The following CA12 variants were observed in gnomAD, a reference collection of about 807,000 sequenced individuals.
CA12 encodes carbonic anhydrase 12.
CA12 carries 36 observed loss-of-function variants against 46.8 expected under a neutral mutation model. The observed-to-expected ratio is 0.77, with a 90% CI of 0.59 to 1.02. The LOEUF (loss-of-function observed/expected upper bound fraction) is 1.02. Ranked by LOEUF, CA12 falls within the 50% of genes least tolerant of loss-of-function variation. CA12 has a pLI of 0.00. For missense variants in CA12, 436 were observed against 451.4 expected, an observed-to-expected ratio of 0.97 and a Z score of 0.31; for synonymous variants, 202 against 187.0, an observed-to-expected ratio of 1.08 and a Z score of -0.65.
intron 2 of CA12, among the ~76,000 whole-genome samples, chr15:63,369,315 T>C (rs567651440): frequency 3.3e-4 from 50 of 152,336 alleles, no homozygotes; most frequent in Non-Finnish European, 6.8e-4. Context: ...CTGTAGAGTT[T>C]ACAAGGCCTT....
At position 63,346,715 on chromosome 15, in the gene CA12, C is replaced by T. The variant is rs763861000; in HGVS notation, c.107-6G>A. 9.3e-6 allele frequency: 15 copies of T among 1,614,088 alleles called. No individual in the cohort carries two copies. Among genetic ancestry groups the T allele is most frequent in the Non-Finnish European group, 1.3e-5 (15 of 1,179,928 alleles). ...GCTATTCTCCCCATCAGGACCTGGA[C>T]ACAGAGATCCATGCTCAAGATTTAG... On this transcript the variant is annotated splice_polypyrimidine_tract_variant and splice_region_variant and intron_variant, in intron 2 of 10. Transcript: ENST00000178638.
intron 2 of CA12, among the ~76,000 whole-genome samples, chr15:63,353,245 C>T (rs1347022236): frequency 6.6e-6 from 1 of 152,092 alleles, no homozygotes; most frequent in Non-Finnish European, 1.5e-5. Flanking sequence ...GCAGATGATG[C>T]AGGCAGGCTT....
intron 8 of CA12, among the ~76,000 whole-genome samples, chr15:63,337,238 C>T (rs1186973146): frequency 6.6e-6 from 1 of 152,206 alleles, no homozygotes; most frequent in Non-Finnish European, 1.5e-5. Flanking sequence ...GGCAGTTCTT[C>T]ATGAAAAGAC....
chr15:63,354,401 T>C (rs539533877), intron 2 of CA12, among the ~76,000 whole-genome samples: 1 of 152,172 alleles, frequency 6.6e-6, no homozygotes, highest in Non-Finnish European at 1.5e-5. Context: ...ATACTTTGCA[T>C]CAAACTTTTG....
Position 63,345,738 on chromosome 15 carries a change from C to G in CA12, c.287-119G>C, listed in dbSNP as rs563882606. 3 of 1,324,716 alleles carry G rather than the reference C, an allele frequency of 2.3e-6. No individual in the cohort carries two copies. The highest frequency in any genetic ancestry group is 2.5e-5 in the South Asian group (2 of 79,222). 82.1% of individuals were successfully genotyped at this position (1,324,716 alleles called of 1,614,324 possible). On this transcript the variant is annotated intron_variant, in intron 3 of 10. Transcript: ENST00000178638. This position sits in a 1 kb window ranked among gnomAD's most constrained non-coding sequence, Gnocchi z 4.3. ...CCACCCCCTGGAGCCCAGAGAGAGG[C>G]AGGTGGATGGAGTGAGGTGCGGAGC...
In CA12 at chr15:63,348,903, GT is replaced by G. The variant is rs1478502849; in HGVS notation, c.107-2195del. 6.6e-6 allele frequency among the ~76,000 whole-genome samples: 1 copy of G among 152,202 alleles called. No homozygotes were observed. Among genetic ancestry groups the G allele is most frequent in the Non-Finnish European group, 1.5e-5 (1 of 68,034 alleles). ...CTTGGGAAAATGTGACTTGGGGAAT[GT>G]TTCCTTTTTCTCTTGCTCTAAATAC... On this transcript the variant is annotated intron_variant, in intron 2 of 10. Coordinates refer to ENST00000178638, the MANE Select transcript of CA12 (RefSeq NM_001218.5). This position sits in a 1 kb window ranked among gnomAD's most constrained non-coding sequence, Gnocchi z 4.6.
At chr15:63,367,427 G>A (rs1361458807) in intron 2 of CA12, among the ~76,000 whole-genome samples, 5 of 152,146 alleles carry the variant, frequency 3.3e-5, no homozygotes, top group Non-Finnish European at 7.3e-5. Flanking sequence ...TTCCAGAAAA[G>A]TGGTGTGCCA....
In CA12 at chr15:63,381,803, G is replaced by T; in HGVS notation, c.-83C>A. ...CGCTCTCCAGCTGCACACCGGGACC[G>T]CGTGCGCGCAGCCTGGGTGCCGTGG... is the stretch of plus-strand genomic sequence containing the variant. On this transcript the variant is annotated 5_prime_UTR_variant, in exon 1 of 11. Transcript: ENST00000178638. 1 of 926,580 alleles carries T rather than the reference G, an allele frequency of 1.1e-6. No homozygotes were observed. Among genetic ancestry groups the T allele is most frequent in the Non-Finnish European group, 1.5e-6 (1 of 662,146 alleles). 57.4% of individuals were successfully genotyped at this position (926,580 alleles called of 1,614,324 possible). A position where few individuals can be genotyped will look rare whatever the true frequency, so the allele number is the denominator to read the frequency against.
intron 1 of CA12, among the ~76,000 whole-genome samples, chr15:63,380,060 C>A (rs985434694): frequency 6.6e-6 from 1 of 152,236 alleles, no homozygotes; most frequent in African/African-American, 2.4e-5. Context: ...TGCTGACATT[C>A]TACACCTCAG....
chr15:63,368,495 GC>G, intron 2 of CA12, among the ~76,000 whole-genome samples: 1 of 152,322 alleles, frequency 6.6e-6, no homozygotes, highest in South Asian at 2.1e-4. Context: ...CCTCCCTCCT[GC>G]CCGCAGCCAC....
At chr15:63,336,471 G>A (rs370568924) in intron 8 of CA12, among the ~76,000 whole-genome samples, 1 of 149,044 alleles carries the variant, frequency 6.7e-6, no homozygotes, top group African/African-American at 2.5e-5. Flanking sequence ...AGGATTGGCA[G>A]TTGTTAGTGT....
Position 63,324,026 on chromosome 15 carries a change from C to T in CA12, c.*2259G>A, listed in dbSNP as rs991637108. On this transcript the variant is annotated 3_prime_UTR_variant, in exon 11 of 11. Transcript: ENST00000178638. ...ACTCACACACCACAGTACTGGCATC[C>T]TTCAGGGGCAGCTGGCATCAGTGGA... is the stretch of plus-strand genomic sequence containing the variant. The T allele has an allele frequency of 1.5e-4, 23 of 152,420 alleles. No individual in the cohort carries two copies. Among genetic ancestry groups the T allele is most frequent in the African/African-American group, 5.5e-4 (23 of 41,586 alleles). The allele number at this position is 152,420 out of a possible 1,614,324, so 9.4% of individuals were successfully genotyped here. A position where few individuals can be genotyped will look rare whatever the true frequency, so the allele number is the denominator to read the frequency against.
At position 63,345,497 on chromosome 15, in the gene CA12, C is replaced by T. The variant is rs201238727; in HGVS notation, c.409G>A (p.Gly137Arg). 68 of 1,610,012 alleles carry T rather than the reference C, an allele frequency of 4.2e-5. No individual in the cohort carries two copies. The highest frequency in any genetic ancestry group is 4.7e-5 in the Non-Finnish European group (56 of 1,179,986). ...CTTACCTCGGCGGCGAAGTGCTGTC[C>T]GCTGACGGTGTGCTCAGAGCCGTGC... ...DPHGSEHTVSGQHFAAELHIV... is the reference protein window; with the variant it reads ...DPHGSEHTVSRQHFAAELHIV... Residue 137 changes from glycine (G) to arginine (R), a missense_variant, in exon 4 of 11, where the codon GGA becomes AGA. By Grantham distance (125) the Gly-to-Arg change is moderately radical. Transcript: ENST00000178638. This position sits in a 1 kb window ranked among gnomAD's most constrained non-coding sequence, Gnocchi z 4.3.
chr15:63,340,922 A>C lies in CA12; in HGVS notation c.526-139T>G, dbSNP rs1180196621. ...GGATCCACTTTACTGGACAATTATGATGGATCACTAGGCTCTTGGGAGTTA... is the reference window on the plus strand; with the variant it reads ...GGATCCACTTTACTGGACAATTATGCTGGATCACTAGGCTCTTGGGAGTTA... On this transcript the variant is annotated intron_variant, in intron 5 of 10. Coordinates refer to ENST00000178638, the MANE Select transcript of CA12 (RefSeq NM_001218.5). This position sits in a 1 kb window ranked among gnomAD's most constrained non-coding sequence, Gnocchi z 4.4. 1 of 733,210 alleles carries C rather than the reference A, an allele frequency of 1.4e-6. No homozygotes were observed. Among genetic ancestry groups the C allele is most frequent in the African/African-American group, 1.7e-5 (1 of 57,722 alleles). The allele number at this position is 733,210 out of a possible 1,614,324, so 45.4% of individuals were successfully genotyped here.
Position 63,373,119 on chromosome 15 carries a change from C to T in CA12, c.106+2539G>A, listed in dbSNP as rs1360846329. On this transcript the variant is annotated intron_variant, in intron 2 of 10. Coordinates refer to ENST00000178638, the MANE Select transcript of CA12 (RefSeq NM_001218.5). This position sits in a 1 kb window ranked among gnomAD's most constrained non-coding sequence, Gnocchi z 4.9. The stretch of plus-strand genomic sequence containing the variant: ...GTGGCTCACACCTGTAATCCCAACA[C>T]TTTGAGAGGCCGAGGTGGGCAGAAC... Among the ~76,000 whole-genome samples the T allele has an allele frequency of 6.6e-6, 1 of 152,216 alleles. No homozygotes were observed. The highest frequency in any genetic ancestry group is 1.5e-5 in the Non-Finnish European group (1 of 68,038).
chr15:63,340,870 G>A lies in CA12; in HGVS notation c.526-87C>T. ...CGATTGCTATCAGAAGGGCAAAGCT[G>A]TGGGTATGTTGCCACCACTGCCTGA... On this transcript the variant is annotated intron_variant, in intron 5 of 10. Coordinates refer to ENST00000178638, the MANE Select transcript of CA12 (RefSeq NM_001218.5). The surrounding 1 kb of genome is among the most constrained non-coding windows in gnomAD (Gnocchi z 4.4). 1 of 1,152,926 alleles carries A rather than the reference G, an allele frequency of 8.7e-7. No homozygotes were observed. 71.4% of individuals were successfully genotyped at this position (1,152,926 alleles called of 1,614,324 possible).
rs2039075418 is a variant in CA12, at chr15:63,341,234, G to T, written c.526-451C>A. On this transcript the variant is annotated intron_variant, in intron 5 of 10. Coordinates refer to ENST00000178638, the MANE Select transcript of CA12 (RefSeq NM_001218.5). This position sits in a 1 kb window ranked among gnomAD's most constrained non-coding sequence, Gnocchi z 5.2. ...ATTCCTCTATCTTGGGATAAAAAAA[G>T]AATTCATTCCAGGGTACATATAGAG... Among the ~76,000 whole-genome samples the T allele has an allele frequency of 6.6e-6, 1 of 152,168 alleles. No homozygotes were observed.
Position 63,381,712 on chromosome 15 carries a change from C to A in CA12, c.9G>T (p.Arg3=). MP[R]RSLHAAAVLL... ...GCACGGCCGCCGCGTGCAGGCTGCG[C>A]CGGGGCATCTTCGCGGGCTCCTGCG... Residue 3 remains arginine, a synonymous_variant, in exon 1 of 11, where the codon CGG becomes CGT. Transcript: ENST00000178638. 1.2e-6 allele frequency: 2 copies of A among 1,603,340 alleles called. No individual in the cohort carries two copies. The highest frequency in any genetic ancestry group is 1.7e-6 in the Non-Finnish European group (2 of 1,175,006).
chr15:63,346,392 C>G, intron 3 of CA12, 138 bp downstream of exon 3: 1 of 763,202 alleles, frequency 1.3e-6, no homozygotes, highest in Admixed American at 2.0e-5. Flanking sequence ...TGGAATCTCT[C>G]AAAGACACCC....
Sources: allele counts gnomAD v4.1 joint callset (sites outside exome capture counted in the v4.1 genomes callset), GRCh38; gene constraint gnomAD v4.1.1; non-coding constraint Gnocchi (gnomAD v3.1); transcripts MANE v1.5; gene names NCBI Gene and HGNC (gene_info 2026-07-23, HGNC 2026-07-21).